CDV3: variants seen among roughly 807,000 people sequenced by gnomAD.
The protein encoded by CDV3 is protein CDV3 homolog.
In CDV3, 14 loss-of-function variants were observed where a neutral mutation model predicts 24.5. The observed-to-expected ratio is 0.57, with a 90% CI of 0.38 to 0.89. The LOEUF (loss-of-function observed/expected upper bound fraction) is 0.89. Among genes scored for constraint, CDV3 ranks in the 40% least tolerant of loss-of-function variants. The pLI, the probability that CDV3 is intolerant of heterozygous loss-of-function variation, is 0.00. For missense variants in CDV3, 304 were observed against 310.2 expected, an observed-to-expected ratio of 0.98 and a Z score of 0.15; for synonymous variants, 114 against 114.1, an observed-to-expected ratio of 1.00 and a Z score of 0.00.
At chr3:133,575,673 T>A (rs1018691510) in intron 2 of CDV3, among the ~76,000 whole-genome samples, 1 of 152,234 alleles carries the variant, frequency 6.6e-6, no homozygotes, top group Admixed American at 6.5e-5. Flanking sequence ...ACCACTATTC[T>A]AACACCATAA....
chr3:133,585,110 A>G (rs1476250566), intron 3 of CDV3, among the ~76,000 whole-genome samples: 1 of 152,174 alleles, frequency 6.6e-6, no homozygotes, highest in African/African-American at 2.4e-5. Context: ...GCTGGAGAGC[A>G]GTCATGCAAT....
rs1309707261 is a variant in CDV3 at position 133,589,443 on chromosome 3, C to T, written c.*1397C>T. 1 of 152,508 alleles carries T rather than the reference C, an allele frequency of 6.6e-6. No individual in the cohort carries two copies. The highest frequency in any genetic ancestry group is 2.4e-5 in the African/African-American group (1 of 41,370). The allele number at this position is 152,508 out of a possible 1,614,324, so 9.4% of individuals were successfully genotyped here. On this transcript the variant is annotated 3_prime_UTR_variant, in exon 5 of 5. Transcript: ENST00000264993. ...ATTTAAAGGGACTTGAGGAAGCTAC[C>T]CAGGATTACAGAAGAGTGTCCACCT...
In CDV3 at chr3:133,588,502, C is replaced by G; in HGVS notation, c.*456C>G. 1.1e-6 allele frequency: 1 copy of G among 909,842 alleles called. No individual in the cohort carries two copies. The allele number at this position is 909,842 out of a possible 1,614,324, so 56.4% of individuals were successfully genotyped here. A position where few individuals can be genotyped will look rare whatever the true frequency, so the allele number is the denominator to read the frequency against. On this transcript the variant is annotated 3_prime_UTR_variant, in exon 5 of 5. Coordinates refer to ENST00000264993, the MANE Select transcript of CDV3 (RefSeq NM_017548.5). ...GCTCTACTGGATTCTTATCAGAAATCCTGCATAAAAAGTCAGCCATCTGGG... is the reference window on the plus strand; with the variant it reads ...GCTCTACTGGATTCTTATCAGAAATGCTGCATAAAAAGTCAGCCATCTGGG...
chr3:133,576,267 G>T (rs2074802937), intron 2 of CDV3, among the ~76,000 whole-genome samples: 1 of 152,224 alleles, frequency 6.6e-6, no homozygotes, highest in African/African-American at 2.4e-5. Context: ...AGATTTCTTT[G>T]TAGTGGTGTT....
Position 133,589,518 on chromosome 3 carries a change from T to C in CDV3, c.*1472T>C, listed in dbSNP as rs1933919132. On this transcript the variant is annotated 3_prime_UTR_variant, in exon 5 of 5. Transcript: ENST00000264993. Reference sequence around the variant, plus strand: ...AGTTTTGTATCTGGTTCAATAGAAATATGTGAAAGTGGTAATGTCATCATT... The same window carrying C: ...AGTTTTGTATCTGGTTCAATAGAAACATGTGAAAGTGGTAATGTCATCATT... The C allele has an allele frequency of 1.3e-5, 2 of 152,642 alleles. No individual in the cohort carries two copies. Among genetic ancestry groups the C allele is most frequent in the Admixed American group, 1.3e-4 (2 of 15,284 alleles). The allele number at this position is 152,642 out of a possible 1,614,324, so 9.5% of individuals were successfully genotyped here.
chr3:133,586,543 A>G lies in CDV3; in HGVS notation c.467-20A>G. ...CTGAGCATTTAAATAGTTTATCTAA[A>G]AATTGTTATAAAATATTAGTTACAG... On this transcript the variant is annotated intron_variant, in intron 3 of 4. Coordinates refer to ENST00000264993, the MANE Select transcript of CDV3 (RefSeq NM_017548.5). The G allele has an allele frequency of 2.2e-6, 3 of 1,377,816 alleles. No homozygotes were observed. The highest frequency in any genetic ancestry group is 3.1e-6 in the Non-Finnish European group (3 of 982,194). The allele number at this position is 1,377,816 out of a possible 1,614,324, so 85.3% of individuals were successfully genotyped here.
At position 133,584,172 on chromosome 3, in the gene CDV3, C is replaced by T. The variant is rs755118753; in HGVS notation, c.466+22C>T. 4 of 1,551,168 alleles carry T rather than the reference C, an allele frequency of 2.6e-6. No homozygotes were observed. The South Asian group carries it at 4.7e-5, about 18-fold the overall frequency. ...ATTGGTAATTTTACTATTTCAGTTTCAGAAAGATGTCTAATTTATATATGA... is the reference window on the plus strand; with the variant it reads ...ATTGGTAATTTTACTATTTCAGTTTTAGAAAGATGTCTAATTTATATATGA... On this transcript the variant is annotated intron_variant, in intron 3 of 4. Transcript: ENST00000264993.
intron 2 of CDV3, among the ~76,000 whole-genome samples, chr3:133,580,371 TA>T (rs1250556878): frequency 6.6e-6 from 1 of 152,176 alleles, no homozygotes; most frequent in Non-Finnish European, 1.5e-5. Context: ...AGTCTATTAT[TA>T]ATGTACATTT....
chr3:133,574,739 CAAG>C, intron 1 of CDV3: 1 of 1,080,878 alleles, frequency 9.3e-7, no homozygotes, highest in Non-Finnish European at 1.1e-6. Context: ...CTCTCGGTGG[CAAG>C]GTTGAAGTAG....
chr3:133,574,671 A>C (rs1188779195), intron 1 of CDV3: 3 of 1,033,644 alleles, frequency 2.9e-6, no homozygotes, highest in Non-Finnish European at 3.5e-6. Context: ...CAGCAGCCGC[A>C]TTTGTAGCAG....
chr3:133,575,564 C>T lies in CDV3; in HGVS notation c.317+449C>T, dbSNP rs529401029. Among the ~76,000 whole-genome samples the T allele has an allele frequency of 1.7e-4, 26 of 152,292 alleles. 1 individual carries two copies. Among genetic ancestry groups the T allele is most frequent in the African/African-American group, 4.3e-4 (18 of 41,560 alleles). ...GTTTTATGTGTTCACACAGTGCAAC[C>T]AACCTGTGCAATAAGCACCAGGTCA... On this transcript the variant is annotated intron_variant, in intron 2 of 4. Transcript: ENST00000264993.
intron 2 of CDV3, among the ~76,000 whole-genome samples, chr3:133,581,261 T>C (rs1932987721): frequency 6.6e-6 from 1 of 152,074 alleles, no homozygotes; most frequent in Non-Finnish European, 1.5e-5. Flanking sequence ...TCTGCACCTT[T>C]AGTTCTAGCT....
chr3:133,577,770 A>G (rs910545227), intron 2 of CDV3, among the ~76,000 whole-genome samples: 2 of 152,206 alleles, frequency 1.3e-5, no homozygotes, highest in Non-Finnish European at 2.9e-5. Flanking sequence ...CAGCAAACGT[A>G]TTATATATTA....
chr3:133,574,767 A>C (rs996407721), intron 1 of CDV3: 37 of 1,115,890 alleles, frequency 3.3e-5, no homozygotes, highest in Non-Finnish European at 4.1e-5. Flanking sequence ...GTAGTTGTGA[A>C]ATTCCTATTG....
Position 133,574,076 on chromosome 3 carries a change from A to G in CDV3, c.32A>G (p.Asn11Ser). Residue 11 changes from asparagine (N) to serine (S), a missense_variant, in exon 1 of 5, where the codon AAC becomes AGC. Asn to Ser is a conservative substitution (Grantham distance 46). This residue lies in a region of CDV3 where 219 missense variants were observed against 203.6 expected (regional missense o/e 1.08). Transcript: ENST00000264993. MAETEERSLD[N>S]FFAKRDKKKK... is the part of the protein sequence containing the mutation. The stretch of plus-strand genomic sequence containing the variant: ...GAGACGGAGGAGCGGAGCCTGGACA[A>G]CTTCTTTGCCAAGAGGGACAAGAAG... 2 of 1,237,750 alleles carry G rather than the reference A, an allele frequency of 1.6e-6. No individual in the cohort carries two copies. Among genetic ancestry groups the G allele is most frequent in the Non-Finnish European group, 2.1e-6 (2 of 965,094 alleles). The allele number at this position is 1,237,750 out of a possible 1,614,324, so 76.7% of individuals were successfully genotyped here. A position where few individuals can be genotyped will look rare whatever the true frequency, so the allele number is the denominator to read the frequency against.
intron 2 of CDV3, among the ~76,000 whole-genome samples, chr3:133,578,293 T>A (rs946304296): frequency 3.9e-5 from 6 of 152,196 alleles, no homozygotes; most frequent in Admixed American, 3.3e-4. Context: ...TAAAGTGGAT[T>A]TTTGGGAGAA....
intron 4 of CDV3, chr3:133,587,286 A>C: frequency 7.9e-7 from 1 of 1,270,200 alleles, no homozygotes; most frequent in Non-Finnish European, 1.0e-6. Flanking sequence ...TCAGATGGAA[A>C]TGTGTTTTTT....
At chr3:133,587,284 A>G in intron 4 of CDV3, 2 of 1,271,658 alleles carry the variant, frequency 1.6e-6, no homozygotes, top group Non-Finnish European at 2.0e-6. Context: ...CATCAGATGG[A>G]AATGTGTTTT....
chr3:133,584,896 A>G (rs1933427118), intron 3 of CDV3, among the ~76,000 whole-genome samples: 1 of 152,194 alleles, frequency 6.6e-6, no homozygotes, highest in Non-Finnish European at 1.5e-5. Flanking sequence ...CAGTTAGGAA[A>G]CAGATGTCTG....
Sources: gnomAD v4.1 joint callset for allele counts (sites outside exome capture counted in the v4.1 genomes callset) on GRCh38, gnomAD v4.1.1 for gene constraint, gnomAD v4.1.1 regional missense constraint, MANE v1.5 for transcripts, NCBI Gene and HGNC (gene_info 2026-07-23, HGNC 2026-07-21) for gene names.